The following ATP2B2 variants were observed in gnomAD, a reference collection of about 807,000 sequenced individuals.
ATP2B2 encodes the protein ATPase plasma membrane Ca2+ transporting 2, also known as plasma membrane calcium-transporting ATPase 2.
ATP2B2 carries 15 observed loss-of-function variants against 120.0 expected under a neutral mutation model. The observed-to-expected ratio is 0.12, with a 90% CI of 0.08 to 0.19. The LOEUF (loss-of-function observed/expected upper bound fraction) is 0.19. Ranked by LOEUF, ATP2B2 falls within the 10% of genes least tolerant of loss-of-function variation. The pLI is 1.00. For synonymous variants in ATP2B2, 694 were observed against 700.3 expected, an observed-to-expected ratio of 0.99 and a Z score of 0.14; for missense variants, 1,045 against 1,719.8, an observed-to-expected ratio of 0.61 and a Z score of 6.94.
chr3:10,707,269 T>C (rs1335911713), intron 1 of ATP2B2, among the ~76,000 whole-genome samples: 1 of 152,118 alleles, frequency 6.6e-6, no homozygotes, highest in Non-Finnish European at 1.5e-5. Context: ...CCGTGCGTGC[T>C]TGGGGTTAGG....
At chr3:10,394,519 C>T (rs2061966141) in intron 5 of ATP2B2, 1 of 471,246 alleles carries the variant, frequency 2.1e-6, no homozygotes, top group South Asian at 1.6e-5. Flanking sequence ...ACCCCGCTGC[C>T]TCTCATGGAG....
At position 10,402,166 on chromosome 3, in the gene ATP2B2, C is replaced by T. The variant is rs776369165; in HGVS notation, c.580G>A (p.Val194Met). 28 of 1,614,090 alleles carry T rather than the reference C, an allele frequency of 1.7e-5. No homozygotes were observed. Among genetic ancestry groups the T allele is most frequent in the East Asian group, 1.1e-4 (5 of 44,894 alleles). ...SRIEQEQKFT[V>M]VRAGQVVQIP... ...TGGACCACCTGGCCAGCCCGGACCACGGTAAATTTCTGTTCCTGCTCGATG... is the reference window on the plus strand; with the variant it reads ...TGGACCACCTGGCCAGCCCGGACCATGGTAAATTTCTGTTCCTGCTCGATG... Residue 194 changes from valine to methionine, a missense_variant, in exon 4 of 23, where the codon GTG becomes ATG. Physicochemically the swap from Val to Met is conservative, Grantham distance 21. Transcript: ENST00000360273. This position sits in a 1 kb window ranked among gnomAD's most constrained non-coding sequence, Gnocchi z 4.9.
chr3:10,511,221 C>A (rs987601670), intron 3 of ATP2B2, among the ~76,000 whole-genome samples: 4 of 152,184 alleles, frequency 2.6e-5, no homozygotes, highest in African/African-American at 9.7e-5. Context: ...CAAGACTCAG[C>A]TCCAGCAGCC....
intron 2 of ATP2B2, among the ~76,000 whole-genome samples, chr3:10,418,823 G>C (rs2062876117): frequency 6.6e-6 from 1 of 152,230 alleles, no homozygotes; most frequent in South Asian, 2.1e-4. Context: ...TGTGAAAACA[G>C]ATTGCTCCCC....
At chr3:10,331,595 C>T (rs918829016) in intron 22 of ATP2B2, among the ~76,000 whole-genome samples, 4 of 151,884 alleles carry the variant, frequency 2.6e-5, no homozygotes, top group Admixed American at 2.6e-4. Flanking sequence ...TGGGACACCC[C>T]GCCACGGCCA....
chr3:10,570,575 T>G (rs1170218620), intron 2 of ATP2B2, among the ~76,000 whole-genome samples: 1 of 152,244 alleles, frequency 6.6e-6, no homozygotes, highest in Non-Finnish European at 1.5e-5. Context: ...CAGTTGATTT[T>G]TCCCTCGTAA....
At chr3:10,477,367 C>G (rs1335364555) in intron 1 of ATP2B2, among the ~76,000 whole-genome samples, 1 of 152,214 alleles carries the variant, frequency 6.6e-6, no homozygotes, top group Non-Finnish European at 1.5e-5. Context: ...ATTTTTTCAT[C>G]TACGTTTCTC....
chr3:10,557,010 C>G (rs2067795026), intron 2 of ATP2B2, among the ~76,000 whole-genome samples: 1 of 152,116 alleles, frequency 6.6e-6, no homozygotes, highest in Non-Finnish European at 1.5e-5. Flanking sequence ...TTCTTTCTCT[C>G]CAGACACCAG....
chr3:10,502,231 T>G (rs1249451396), intron 1 of ATP2B2, among the ~76,000 whole-genome samples: 1 of 152,242 alleles, frequency 6.6e-6, no homozygotes, highest in East Asian at 1.9e-4. Flanking sequence ...CTCCGGCTCC[T>G]GATCCTGATG....
At chr3:10,568,601 C>A (rs2068059367) in intron 2 of ATP2B2, among the ~76,000 whole-genome samples, 1 of 152,254 alleles carries the variant, frequency 6.6e-6, no homozygotes, top group Non-Finnish European at 1.5e-5. Context: ...ATGGTTTTCA[C>A]TGCTTCAGAA....
intron 1 of ATP2B2, among the ~76,000 whole-genome samples, chr3:10,476,724 A>T (rs1162832793): frequency 6.6e-6 from 1 of 152,262 alleles, no homozygotes; most frequent in Non-Finnish European, 1.5e-5. Context: ...TCCTTTAACC[A>T]TAATTGATCA....
chr3:10,343,057 T>A lies in ATP2B2; in HGVS notation c.2704-92A>T. 4 of 1,373,488 alleles carry A rather than the reference T, an allele frequency of 2.9e-6. No individual in the cohort carries two copies. Among genetic ancestry groups the A allele is most frequent in the Non-Finnish European group, 4.1e-6 (4 of 979,408 alleles). 85.1% of individuals were successfully genotyped at this position (1,373,488 alleles called of 1,614,324 possible). On this transcript the variant is annotated intron_variant, in intron 18 of 22. Transcript: ENST00000360273. The surrounding 1 kb of genome is among the most constrained non-coding windows in gnomAD (Gnocchi z 4.2). ...TCATGGTGTAGTGTCCGCAGGCTCC[T>A]GCTGGAGGCTGGAGTCCGACCTGCC...
chr3:10,485,838 C>G (rs973754208), intron 1 of ATP2B2, among the ~76,000 whole-genome samples: 2 of 152,140 alleles, frequency 1.3e-5, no homozygotes, highest in Non-Finnish European at 2.9e-5. Flanking sequence ...AGACTGTGCT[C>G]TTGGGAGTCA....
chr3:10,409,868 C>T (rs959314764), intron 3 of ATP2B2, among the ~76,000 whole-genome samples: 4 of 152,156 alleles, frequency 2.6e-5, no homozygotes, highest in African/African-American at 7.2e-5. Context: ...AATGTTGAAT[C>T]ACAATGAATC....
chr3:10,600,893 GC>G (rs1015067979), intron 2 of ATP2B2, among the ~76,000 whole-genome samples: 1 of 152,140 alleles, frequency 6.6e-6, no homozygotes, highest in African/African-American at 2.4e-5. Context: ...TCAGGCAAAA[GC>G]CCAGATGAAG....
At chr3:10,440,936 G>A (rs1450810183) in intron 2 of ATP2B2, among the ~76,000 whole-genome samples, 3 of 152,208 alleles carry the variant, frequency 2.0e-5, no homozygotes, top group Admixed American at 6.5e-5. Flanking sequence ...AGAAAATGCC[G>A]TGAAGCCTCA....
intron 9 of ATP2B2, 85 bp from the exon 10 acceptor site, chr3:10,378,495 C>T: frequency 6.5e-7 from 1 of 1,546,918 alleles, no homozygotes; most frequent in Non-Finnish European, 8.8e-7. Context: ...GACGCTGGCA[C>T]CCACCCCTGC....
At chr3:10,437,954 T>G (rs1230261073) in intron 2 of ATP2B2, among the ~76,000 whole-genome samples, 1 of 152,160 alleles carries the variant, frequency 6.6e-6, no homozygotes, top group Non-Finnish European at 1.5e-5. Flanking sequence ...TCTACAAGCC[T>G]CCAGAACTGT....
Position 10,371,898 on chromosome 3 carries a change from T to A in ATP2B2, c.1570A>T (p.Ile524Phe), listed in dbSNP as rs2125505389. ...GTGTTGATGGAGCTGGGGTCGGGGA[T>A]CTCTTTATAGTGGACGTCGCCGACA... Reference protein sequence around the residue: ...AYVGDVHYKEIPDPSSINTKT... With the variant: ...AYVGDVHYKEFPDPSSINTKT... Residue 524 changes from isoleucine to phenylalanine, a missense_variant, in exon 12 of 23, where the codon ATC becomes TTC. Physicochemically the swap from Ile to Phe is conservative, Grantham distance 21. Coordinates refer to ENST00000360273, the MANE Select transcript of ATP2B2 (RefSeq NM_001001331.4). The A allele has an allele frequency of 6.2e-7, 1 of 1,614,098 alleles. No homozygotes were observed. Among genetic ancestry groups the A allele is most frequent in the East Asian group, 2.2e-5 (1 of 44,870 alleles).
Sources: allele counts gnomAD v4.1 joint callset (sites outside exome capture counted in the v4.1 genomes callset), GRCh38; gene constraint gnomAD v4.1.1; non-coding constraint Gnocchi (gnomAD v3.1); transcripts MANE v1.5; gene names NCBI Gene and HGNC (gene_info 2026-07-23, HGNC 2026-07-21).